The following HOMER1 variants were observed in gnomAD, a reference collection of about 807,000 sequenced individuals.
The protein encoded by HOMER1 is homer scaffold protein 1.
HOMER1 carries 3 observed loss-of-function variants against 48.9 expected under a neutral mutation model. The ratio of observed to expected loss-of-function variants is 0.06; its 90% confidence interval spans 0.03 to 0.16. The LOEUF is 0.16. Among genes scored for constraint, HOMER1 ranks in the 10% least tolerant of loss-of-function variants. The pLI is 1.00. For missense variants in HOMER1, 247 were observed against 411.4 expected (o/e 0.60, Z 3.46); for synonymous variants, 134 against 146.4 (o/e 0.92, Z 0.61).
intron 5 of HOMER1, among the ~76,000 whole-genome samples, chr5:79,424,428 T>C (rs1750186601): frequency 6.6e-6 from 1 of 152,172 alleles, no homozygotes. Flanking sequence ...TACAAGGATA[T>C]GCATCGATAA....
At chr5:79,473,138 G>A (rs754595704) in intron 1 of HOMER1, among the ~76,000 whole-genome samples, 2 of 152,134 alleles carry the variant, frequency 1.3e-5, no homozygotes, top group Admixed American at 1.3e-4. Context: ...CATAAAAGAC[G>A]ATGGTTTAAC....
chr5:79,468,867 G>C (rs941348844), intron 1 of HOMER1, among the ~76,000 whole-genome samples: 5 of 152,120 alleles, frequency 3.3e-5, no homozygotes, highest in Non-Finnish European at 5.9e-5. Flanking sequence ...ACATGAAATG[G>C]TATTTCACTG....
intron 1 of HOMER1, among the ~76,000 whole-genome samples, chr5:79,495,083 AAAG>A (rs1402508907): frequency 1.3e-5 from 2 of 152,200 alleles, no homozygotes; most frequent in African/African-American, 2.4e-5. Flanking sequence ...ATATTAACAC[AAAG>A]AATACATGTA....
At chr5:79,470,933 A>G (rs1561376410) in intron 1 of HOMER1, among the ~76,000 whole-genome samples, 1 of 152,178 alleles carries the variant, frequency 6.6e-6, no homozygotes, top group Non-Finnish European at 1.5e-5. Flanking sequence ...GGAAAAAAAT[A>G]CATGGAGGAT....
chr5:79,418,196 C>A (rs1749996376), intron 5 of HOMER1, among the ~76,000 whole-genome samples: 1 of 152,048 alleles, frequency 6.6e-6, no homozygotes, highest in Non-Finnish European at 1.5e-5. Context: ...AGGTAAGGGC[C>A]CTGATGAAAA....
chr5:79,414,386 C>T (rs115635635), intron 5 of HOMER1, among the ~76,000 whole-genome samples: 2,175 of 149,276 alleles, frequency 0.015, 22 homozygotes, highest in Non-Finnish European at 0.022. Flanking sequence ...TTCGCCTGGC[C>T]TGTTATTTTT....
chr5:79,431,887 T>G (rs575514381), intron 5 of HOMER1, among the ~76,000 whole-genome samples: 5 of 152,222 alleles, frequency 3.3e-5, no homozygotes, highest in Non-Finnish European at 7.3e-5. Flanking sequence ...ATGAATCTTA[T>G]GTATTATCCC....
chr5:79,388,614 A>G (rs1041688316), intron 8 of HOMER1, among the ~76,000 whole-genome samples: 3 of 152,180 alleles, frequency 2.0e-5, no homozygotes, highest in African/African-American at 7.2e-5. Context: ...AAAACTTAGA[A>G]TAGAAATAGG....
chr5:79,395,966 G>A (rs1749372167), intron 8 of HOMER1, among the ~76,000 whole-genome samples: 1 of 152,058 alleles, frequency 6.6e-6, no homozygotes, highest in African/African-American at 2.4e-5. Flanking sequence ...CTCTTATTAT[G>A]CCTTATCTCA....
At chr5:79,379,073 T>G (rs1194471501) in intron 8 of HOMER1, among the ~76,000 whole-genome samples, 2 of 59,362 alleles carry the variant, frequency 3.4e-5, no homozygotes, top group African/African-American at 1.7e-4. Flanking sequence ...GTGTCTACCT[T>G]TTGTCCATAT....
intron 1 of HOMER1, among the ~76,000 whole-genome samples, chr5:79,475,983 A>G (rs1478143839): frequency 1.3e-5 from 2 of 152,352 alleles, no homozygotes; most frequent in Middle Eastern, 3.4e-3. Flanking sequence ...TTATGAAGAT[A>G]TATCAATAAC....
At chr5:79,464,982 A>C (rs907993432) in intron 1 of HOMER1, among the ~76,000 whole-genome samples, 22 of 152,180 alleles carry the variant, frequency 1.4e-4, no homozygotes, top group African/African-American at 5.1e-4. Flanking sequence ...CAAATACAAA[A>C]TTGTAAAGTA....
At chr5:79,391,603 G>A (rs531687629) in intron 8 of HOMER1, among the ~76,000 whole-genome samples, 12 of 151,810 alleles carry the variant, frequency 7.9e-5, no homozygotes, top group South Asian at 2.1e-4. Context: ...AAAATTAGCC[G>A]GGCGTGGTGG....
chr5:79,460,135 G>T (rs575515203), intron 1 of HOMER1, among the ~76,000 whole-genome samples: 1 of 152,264 alleles, frequency 6.6e-6, no homozygotes, highest in East Asian at 1.9e-4. Context: ...GATTACAGGA[G>T]TAAGCCACCT....
intron 4 of HOMER1, among the ~76,000 whole-genome samples, chr5:79,441,102 G>A (rs1389955174): frequency 6.6e-6 from 1 of 152,112 alleles, no homozygotes; most frequent in African/African-American, 2.4e-5. Flanking sequence ...GGAGGTTCCA[G>A]CGAGCCGAGA....
intron 3 of HOMER1, among the ~76,000 whole-genome samples, chr5:79,449,575 T>C (rs942763481): frequency 6.6e-6 from 1 of 152,184 alleles, no homozygotes; most frequent in African/African-American, 2.4e-5. Flanking sequence ...TGGGTTCAAA[T>C]GACTCTCATG....
intron 8 of HOMER1, among the ~76,000 whole-genome samples, chr5:79,396,596 T>C (rs954337439): frequency 6.6e-6 from 1 of 152,032 alleles, no homozygotes; most frequent in Non-Finnish European, 1.5e-5. Context: ...AAGGATTTAC[T>C]AAATAATTTA....
At chr5:79,503,661 CA>C (rs1561390753) in intron 1 of HOMER1, among the ~76,000 whole-genome samples, 1 of 146,662 alleles carries the variant, frequency 6.8e-6, no homozygotes, top group African/African-American at 2.5e-5. Context: ...GCCAACATGG[CA>C]AAACCCCGTC....
At chr5:79,396,757 C>A in intron 8 of HOMER1, 66 bp downstream of exon 8, 1 of 859,154 alleles carries the variant, frequency 1.2e-6, no homozygotes, top group South Asian at 1.8e-5. Context: ...GAAAAAAAGT[C>A]AGTGCTATGT....
Sources: gnomAD v4.1 joint callset for allele counts (sites outside exome capture counted in the v4.1 genomes callset) on GRCh38, gnomAD v4.1.1 for gene constraint, MANE v1.5 for transcripts, NCBI Gene and HGNC (gene_info 2026-07-23, HGNC 2026-07-21) for gene names.